SNX29: variants seen among roughly 807,000 people sequenced by gnomAD.
SNX29 encodes sorting nexin-29.
In SNX29, 78 loss-of-function variants were observed where a neutral mutation model predicts 102.1. That is an observed-to-expected ratio of 0.76 (90% CI 0.64 to 0.92). The LOEUF (loss-of-function observed/expected upper bound fraction) is 0.92. SNX29 is among the 40% of genes least tolerant of loss of function. The probability of loss-of-function intolerance (pLI) is 0.00; values close to 1 mark genes in which losing one functional copy is unlikely to be tolerated. For missense variants in SNX29, 1,280 were observed against 1,061.7 expected (o/e 1.21, Z -2.86); for synonymous variants, 580 against 414.5 (o/e 1.40, Z -4.85).
intron 13 of SNX29, among the ~76,000 whole-genome samples, chr16:12,134,328 C>T (rs778320339): frequency 1.3e-5 from 2 of 152,128 alleles, no homozygotes; most frequent in Non-Finnish European, 2.9e-5. Flanking sequence ...TTTATGATTC[C>T]CCACAATTTC....
At chr16:12,029,648 G>A (rs765134149) in intron 4 of SNX29, 1 of 451,170 alleles carries the variant, frequency 2.2e-6, no homozygotes, top group Admixed American at 2.4e-5. Flanking sequence ...CTGGAGTGCA[G>A]TGGCATGATC....
intron 9 of SNX29, among the ~76,000 whole-genome samples, chr16:12,066,714 T>G (rs1596753829): frequency 8.6e-6 from 1 of 116,594 alleles, no homozygotes; most frequent in Non-Finnish European, 1.7e-5. Flanking sequence ...TTGGGAAGGT[T>G]GAGAGAGGGG....
At chr16:12,404,441 C>T (rs765396168) in intron 18 of SNX29, among the ~76,000 whole-genome samples, 1 of 152,142 alleles carries the variant, frequency 6.6e-6, no homozygotes, top group East Asian at 1.9e-4. Context: ...ACTCTGATTT[C>T]CAGGCTTTGG....
At chr16:12,270,777 C>T (rs936320371) in intron 14 of SNX29, among the ~76,000 whole-genome samples, 1 of 152,110 alleles carries the variant, frequency 6.6e-6, no homozygotes, top group Non-Finnish European at 1.5e-5. Context: ...CACAGTGGCT[C>T]ATGTCAGTAA....
chr16:12,004,785 T>G lies in SNX29; in HGVS notation c.122+1742T>G, dbSNP rs2056401254. Reference sequence around the variant, plus strand: ...GGATGATTTGAAACTGGCACAGATTTAAAATGATGCACCCTATTATCCATT... The same window carrying G: ...GGATGATTTGAAACTGGCACAGATTGAAAATGATGCACCCTATTATCCATT... On this transcript the variant is annotated intron_variant, in intron 3 of 20. Coordinates refer to ENST00000566228, the MANE Select transcript of SNX29 (RefSeq NM_032167.5). 1.3e-5 allele frequency among the ~76,000 whole-genome samples: 2 copies of G among 152,368 alleles called. 1 individual carries two copies. Among genetic ancestry groups the G allele is most frequent in the South Asian group, 4.1e-4 (2 of 4,824 alleles).
chr16:12,177,191 A>T (rs1347887863), intron 13 of SNX29, among the ~76,000 whole-genome samples: 4 of 152,056 alleles, frequency 2.6e-5, no homozygotes, highest in African/African-American at 9.7e-5. Flanking sequence ...TCCTCAAGCG[A>T]TCCTCCCACC....
intron 19 of SNX29, among the ~76,000 whole-genome samples, chr16:12,519,900 T>C (rs1317437960): frequency 6.6e-6 from 1 of 152,046 alleles, no homozygotes; most frequent in Non-Finnish European, 1.5e-5. Flanking sequence ...CCCAGCTACT[T>C]GGGAGGCTGA....
At chr16:12,314,890 A>G (rs2080681134) in intron 15 of SNX29, among the ~76,000 whole-genome samples, 2 of 152,208 alleles carry the variant, frequency 1.3e-5, no homozygotes, top group Admixed American at 6.5e-5. Flanking sequence ...TCTGTCTCCT[A>G]CCGGGAGGCC....
intron 11 of SNX29, among the ~76,000 whole-genome samples, chr16:12,102,904 C>T (rs776368508): frequency 7.2e-5 from 11 of 152,232 alleles, no homozygotes; most frequent in Non-Finnish European, 1.5e-4. Context: ...ACAAGCATTC[C>T]TATACACTAA....
intron 20 of SNX29, among the ~76,000 whole-genome samples, chr16:12,537,446 C>G (rs1056688696): frequency 6.6e-6 from 1 of 152,116 alleles, no homozygotes; most frequent in Admixed American, 6.5e-5. Flanking sequence ...GCCTTGTGAA[C>G]TTCACCTCTG....
chr16:12,143,931 C>T (rs1436280876), intron 13 of SNX29, among the ~76,000 whole-genome samples: 1 of 152,210 alleles, frequency 6.6e-6, no homozygotes, highest in Admixed American at 6.5e-5. Flanking sequence ...CCCAGACTCT[C>T]AGGTAATTCC....
chr16:12,304,174 G>GTTTTTTTTT (rs760514032), intron 15 of SNX29, among the ~76,000 whole-genome samples: 1 of 147,160 alleles, frequency 6.8e-6, no homozygotes, highest in Non-Finnish European at 1.5e-5. Context: ...TCCTATCACT[G>GTTTTTTTTT]TTTTTTGTTT....
At chr16:12,017,342 C>T (rs1032861896) in intron 3 of SNX29, among the ~76,000 whole-genome samples, 1 of 152,178 alleles carries the variant, frequency 6.6e-6, no homozygotes, top group Non-Finnish European at 1.5e-5. Context: ...TATTGGCCAA[C>T]TGTATTTCAC....
chr16:12,481,554 A>ACACCCC (rs1555549559), intron 19 of SNX29, among the ~76,000 whole-genome samples: 39 of 117,754 alleles, frequency 3.3e-4, no homozygotes, highest in Middle Eastern at 9.3e-3. Flanking sequence ...ACACACACAC[A>ACACCCC]CCCCAAATGT....
chr16:12,321,738 G>C (rs1265343923), intron 15 of SNX29, among the ~76,000 whole-genome samples: 1 of 152,124 alleles, frequency 6.6e-6, no homozygotes, highest in Non-Finnish European at 1.5e-5. Context: ...GAAGAAACTT[G>C]GGCCCAAACA....
chr16:12,423,589 G>T (rs1011906612), intron 18 of SNX29, among the ~76,000 whole-genome samples: 14 of 152,136 alleles, frequency 9.2e-5, no homozygotes, highest in Admixed American at 2.0e-4. Flanking sequence ...TCTTCTTCTC[G>T]AGATGGAGTC....
At chr16:12,361,649 G>A (rs1003118027) in intron 16 of SNX29, among the ~76,000 whole-genome samples, 2 of 152,022 alleles carry the variant, frequency 1.3e-5, no homozygotes, top group African/African-American at 4.8e-5. Context: ...TTCTGGATCT[G>A]ACTTAAAAAA....
At chr16:12,457,421 T>G (rs1339004219) in intron 18 of SNX29, among the ~76,000 whole-genome samples, 1 of 152,166 alleles carries the variant, frequency 6.6e-6, no homozygotes, top group Non-Finnish European at 1.5e-5. Flanking sequence ...TCTTAGTGAT[T>G]GGGAGGCATC....
chr16:12,164,118 A>C (rs1252106478), intron 13 of SNX29, among the ~76,000 whole-genome samples: 1 of 152,114 alleles, frequency 6.6e-6, no homozygotes, highest in Non-Finnish European at 1.5e-5. Flanking sequence ...AAAGGAGCCA[A>C]GACTGGAAGG....
Sources: allele counts gnomAD v4.1 joint callset (sites outside exome capture counted in the v4.1 genomes callset), GRCh38; gene constraint gnomAD v4.1.1; transcripts MANE v1.5; gene names NCBI Gene and HGNC (gene_info 2026-07-23, HGNC 2026-07-21).